Variants in PRKAR1B observed in about 807,000 individuals in gnomAD.
PRKAR1B encodes the protein cAMP-dependent protein kinase type I-beta regulatory subunit.
In PRKAR1B, 22 loss-of-function variants were observed where a neutral mutation model predicts 46.5. The ratio of observed to expected loss-of-function variants is 0.47; its 90% CI spans 0.34 to 0.68. The LOEUF (loss-of-function observed/expected upper bound fraction) is 0.68, where lower values mean the gene tolerates loss of function less well. Among genes scored for constraint, PRKAR1B ranks in the 30% least tolerant of loss-of-function variants. PRKAR1B has a pLI of 0.01. For missense variants in PRKAR1B, 445 were observed against 535.6 expected (o/e 0.83, Z 1.67); for synonymous variants, 259 against 217.7 (o/e 1.19, Z -1.67).
intron 4 of PRKAR1B, among the ~76,000 whole-genome samples, chr7:638,133 A>C (rs1784219591): frequency 6.6e-6 from 1 of 152,224 alleles, no homozygotes; most frequent in Admixed American, 6.5e-5. Context: ...CCCAGCAGGC[A>C]CTTAATAAAC....
At chr7:686,177 T>G (rs112699554) in intron 2 of PRKAR1B, among the ~76,000 whole-genome samples, 49 of 152,160 alleles carry the variant, frequency 3.2e-4, no homozygotes, top group African/African-American at 1.1e-3. Context: ...GGTGGGCACC[T>G]GTAGTCCCAG....
At chr7:628,972 C>A (rs540032452) in intron 4 of PRKAR1B, among the ~76,000 whole-genome samples, 76 of 152,336 alleles carry the variant, frequency 5.0e-4, no homozygotes, top group Non-Finnish European at 8.8e-4. Context: ...AAGGTGCTTG[C>A]AACGTCCTGT....
intron 2 of PRKAR1B, among the ~76,000 whole-genome samples, chr7:682,796 A>G (rs887826712): frequency 2.0e-5 from 3 of 152,160 alleles, no homozygotes; most frequent in Non-Finnish European, 4.4e-5. Context: ...GTCCTAACAG[A>G]TATGAATGGC....
chr7:617,914 A>T (rs1782922720), intron 4 of PRKAR1B, among the ~76,000 whole-genome samples: 3 of 152,132 alleles, frequency 2.0e-5, no homozygotes, highest in Non-Finnish European at 4.4e-5. Flanking sequence ...CCCTGCACAG[A>T]CACCTCCAGT....
At chr7:694,342 T>G (rs1197470727) in intron 2 of PRKAR1B, among the ~76,000 whole-genome samples, 2 of 149,728 alleles carry the variant, frequency 1.3e-5, no homozygotes, top group Non-Finnish European at 3.0e-5. Context: ...AGGGCTAGAG[T>G]TTAGACCCGG....
intron 4 of PRKAR1B, among the ~76,000 whole-genome samples, chr7:641,546 AC>A (rs1784391080): frequency 6.6e-6 from 1 of 152,156 alleles, no homozygotes; most frequent in South Asian, 2.1e-4. Context: ...AACCCAGATG[AC>A]GCCGTATTGT....
chr7:613,701 G>A (rs1369771035), intron 4 of PRKAR1B, among the ~76,000 whole-genome samples: 10 of 152,338 alleles, frequency 6.6e-5, no homozygotes, highest in South Asian at 6.2e-4. Flanking sequence ...ACGGTACACC[G>A]AGGGTGAAAA....
At chr7:599,762 G>C (rs1156824804) in intron 6 of PRKAR1B, among the ~76,000 whole-genome samples, 7 of 151,708 alleles carry the variant, frequency 4.6e-5, no homozygotes, top group Non-Finnish European at 8.8e-5. Flanking sequence ...GAGGTGCCAG[G>C]AGCTGGGGGA....
chr7:727,264 G>A lies in PRKAR1B; in HGVS notation c.-77C>T. Reference sequence around the variant, plus strand: ...CTCCCTGCTCGACCCCTTCGCCGCCGTGCGCCGCGAGAGCTGCAGCTGCGC... The same window carrying A: ...CTCCCTGCTCGACCCCTTCGCCGCCATGCGCCGCGAGAGCTGCAGCTGCGC... On this transcript the variant is annotated 5_prime_UTR_variant, in exon 1 of 11. The change creates a new upstream start codon in the 5' untranslated region. Coordinates refer to ENST00000537384, the MANE Select transcript of PRKAR1B (RefSeq NM_001164760.2). The A allele has an allele frequency of 1.5e-6, 2 of 1,327,520 alleles. No individual in the cohort carries two copies. Among genetic ancestry groups the A allele is most frequent in the South Asian group, 1.9e-5 (1 of 51,770 alleles). 82.2% of individuals were successfully genotyped at this position (1,327,520 alleles called of 1,614,324 possible). A position where few individuals can be genotyped will look rare whatever the true frequency, so the allele number is the denominator to read the frequency against.
At chr7:695,964 CTTTTTT>C (rs766921714) in intron 2 of PRKAR1B, among the ~76,000 whole-genome samples, 2 of 102,148 alleles carry the variant, frequency 2.0e-5, no homozygotes, top group African/African-American at 7.9e-5. Flanking sequence ...GCGCCCAACC[CTTTTTT>C]TTTTTTTTTT....
chr7:569,637 G>C (rs1430083844), intron 9 of PRKAR1B, among the ~76,000 whole-genome samples: 1 of 152,204 alleles, frequency 6.6e-6, no homozygotes, highest in Non-Finnish European at 1.5e-5. Context: ...GGGTGGACCT[G>C]TGTGTCCCTC....
chr7:604,140 CTG>C (rs1162259287), intron 6 of PRKAR1B, among the ~76,000 whole-genome samples: 2 of 152,188 alleles, frequency 1.3e-5, no homozygotes. Flanking sequence ...GCCCTGGTGT[CTG>C]GATACCAGGC....
intron 7 of PRKAR1B, among the ~76,000 whole-genome samples, chr7:588,173 G>T (rs1267631192): frequency 2.6e-5 from 4 of 152,198 alleles, no homozygotes; most frequent in African/African-American, 7.2e-5. Flanking sequence ...GCGAAGGTGT[G>T]GCTTGAGCCC....
rs576085118 is a variant in PRKAR1B, at chr7:558,006, A to AT, written c.892-6537dup. On this transcript the variant is annotated intron_variant, in intron 9 of 10. Coordinates refer to ENST00000537384, the MANE Select transcript of PRKAR1B (RefSeq NM_001164760.2). ...ATTCATTTTCCTTGCGACTATTTTG[A>AT]TTTTTTAAAATTTCCTGCAAAATCA... 2.9e-3 allele frequency among the ~76,000 whole-genome samples: 437 copies of AT among 152,202 alleles called. 5 individuals carry two copies. Among genetic ancestry groups the AT allele is most frequent in the African/African-American group, 0.01 (420 of 41,534 alleles).
At chr7:633,115 C>T (rs1783860919) in intron 4 of PRKAR1B, among the ~76,000 whole-genome samples, 1 of 152,256 alleles carries the variant, frequency 6.6e-6, no homozygotes, top group Non-Finnish European at 1.5e-5. Context: ...CGCTCAGAAA[C>T]AAACCCTTCA....
At chr7:723,178 C>G (rs1008591584) in intron 1 of PRKAR1B, among the ~76,000 whole-genome samples, 2 of 152,214 alleles carry the variant, frequency 1.3e-5, no homozygotes, top group African/African-American at 4.8e-5. Flanking sequence ...GCAGTGCAGA[C>G]TGTCCACTCG....
At chr7:659,325 G>T (rs1424156559) in intron 4 of PRKAR1B, among the ~76,000 whole-genome samples, 1 of 152,188 alleles carries the variant, frequency 6.6e-6, no homozygotes, top group Non-Finnish European at 1.5e-5. Flanking sequence ...GGCGGGGTCT[G>T]GCCTGAAGGA....
rs1332509288 is a variant in PRKAR1B, at chr7:726,954, G to A, written c.-23+256C>T. 9.8e-6 allele frequency: 13 copies of A among 1,328,262 alleles called. No individual in the cohort carries two copies. The East Asian group carries it at 3.1e-4, about 31-fold the overall frequency. The allele number at this position is 1,328,262 out of a possible 1,614,324, so 82.3% of individuals were successfully genotyped here. A position where few individuals can be genotyped will look rare whatever the true frequency, so the allele number is the denominator to read the frequency against. ...AGGGCCCCTGGGCGCGCCTACTGCT[G>A]CCGCGCTTGCTGCGCTGCCTGAGCG... On this transcript the variant is annotated intron_variant, in intron 1 of 10. Transcript: ENST00000537384.
chr7:568,937 C>T (rs985057456), intron 9 of PRKAR1B, among the ~76,000 whole-genome samples: 2 of 148,572 alleles, frequency 1.3e-5, no homozygotes, highest in African/African-American at 5.0e-5. Context: ...AGCCGGGGCC[C>T]GCGGGGGGTG....
Sources: allele counts gnomAD v4.1 joint callset (sites outside exome capture counted in the v4.1 genomes callset), GRCh38; gene constraint gnomAD v4.1.1; transcripts MANE v1.5; gene names NCBI Gene and HGNC (gene_info 2026-07-23, HGNC 2026-07-21).